The following SPIRE1 variants were observed in gnomAD, a reference collection of about 807,000 sequenced individuals.
SPIRE1 encodes the protein protein spire homolog 1.
Under a neutral mutation model 94.1 loss-of-function variants are expected in SPIRE1, and 40 were observed. The ratio of observed to expected loss-of-function variants is 0.43; its 90% CI spans 0.33 to 0.55. The LOEUF (loss-of-function observed/expected upper bound fraction) is 0.55, where lower values mean the gene tolerates loss of function less well. Among genes scored for constraint, SPIRE1 ranks in the 20% least tolerant of loss-of-function variants. The pLI, the probability that SPIRE1 is intolerant of heterozygous loss-of-function variation, is 0.06. For missense variants in SPIRE1, 838 were observed against 975.2 expected, an observed-to-expected ratio of 0.86 and a Z score of 1.87; for synonymous variants, 376 against 371.7, an observed-to-expected ratio of 1.01 and a Z score of -0.13.
chr18:12,547,937 AAC>A (rs1491036244), intron 2 of SPIRE1, among the ~76,000 whole-genome samples: 1 of 106,146 alleles, frequency 9.4e-6, no homozygotes, highest in African/African-American at 3.3e-5. Context: ...ACAAACAAAC[AAC>A]AACAACAACA....
Position 12,468,181 on chromosome 18 carries a change from T to A in SPIRE1, c.1405-3223A>T, listed in dbSNP as rs527442329. On this transcript the variant is annotated intron_variant, in intron 10 of 16. Coordinates refer to ENST00000409402, the MANE Select transcript of SPIRE1 (RefSeq NM_001128626.2). ...AGAATGAAGTCTTTTATAAGCAAAT[T>A]AAAAAGATCAATGATTTTATGACCA... is the stretch of plus-strand genomic sequence containing the variant. 5.3e-5 allele frequency among the ~76,000 whole-genome samples: 8 copies of A among 152,156 alleles called. No individual in the cohort carries two copies. The East Asian group carries it at 1.5e-3, about 29-fold the overall frequency.
At chr18:12,658,715 C>G (rs1374546705), upstream of SPIRE1, 3 of 422,244 alleles carry the variant, frequency 7.1e-6, no homozygotes, top group Non-Finnish European at 1.5e-5. Flanking sequence ...CGCGGCCGCT[C>G]TGCGCGTTTT....
chr18:12,547,497 A>G (rs1260511188), intron 2 of SPIRE1, among the ~76,000 whole-genome samples: 1 of 152,216 alleles, frequency 6.6e-6, no homozygotes, highest in Non-Finnish European at 1.5e-5. Flanking sequence ...ACTGTTGCAT[A>G]CCACCTCGAC....
Position 12,535,523 on chromosome 18 carries a change from T to C in SPIRE1, c.682A>G (p.Thr228Ala). 2 of 1,613,728 alleles carry C rather than the reference T, an allele frequency of 1.2e-6. No individual in the cohort carries two copies. Among genetic ancestry groups the C allele is most frequent in the Non-Finnish European group, 1.7e-6 (2 of 1,179,684 alleles). ...QAVCRALFAE[T>A]MELHTFLTKI... ...GTCAGAAATGTATGGAGCTCCATTGTTTCTGCAAACAGTGCACGACATACT... is the reference window on the plus strand; with the variant it reads ...GTCAGAAATGTATGGAGCTCCATTGCTTCTGCAAACAGTGCACGACATACT... The change falls in exon 4 of 17, where the codon ACA becomes GCA. Residue 228 changes from threonine to alanine, a missense_variant. By Grantham distance (58) the Thr-to-Ala change is moderately conservative (BLOSUM62 0). Around this residue, in one of 2 missense-constraint regions of SPIRE1, gnomAD observed 645 missense variants for 804.7 expected, o/e 0.80. Coordinates refer to ENST00000409402, the MANE Select transcript of SPIRE1 (RefSeq NM_001128626.2).
chr18:12,615,668 G>C (rs1199942992), intron 2 of SPIRE1, among the ~76,000 whole-genome samples: 1 of 150,952 alleles, frequency 6.6e-6, no homozygotes, highest in Non-Finnish European at 1.5e-5. Flanking sequence ...ATAACTTAAT[G>C]ATCTGTATAC....
At chr18:12,571,478 G>T (rs1015334657) in intron 2 of SPIRE1, among the ~76,000 whole-genome samples, 7 of 152,116 alleles carry the variant, frequency 4.6e-5, no homozygotes, top group Admixed American at 4.6e-4. Flanking sequence ...GCCAATCTGG[G>T]TATGCATTCT....
At chr18:12,495,695 C>T (rs1035903076) in intron 7 of SPIRE1, among the ~76,000 whole-genome samples, 1 of 152,130 alleles carries the variant, frequency 6.6e-6, no homozygotes. Context: ...TTGAGACCAG[C>T]GTGGGCAACA....
At chr18:12,656,698 T>A (rs1288042942) in intron 1 of SPIRE1, 1 of 982,838 alleles carries the variant, frequency 1.0e-6, no homozygotes, top group African/African-American at 1.7e-5. Flanking sequence ...AAACCTTTTC[T>A]CAACCTCCTC....
intron 6 of SPIRE1, among the ~76,000 whole-genome samples, chr18:12,496,992 T>C (rs1405693102): frequency 6.6e-6 from 1 of 152,012 alleles, no homozygotes; most frequent in African/African-American, 2.4e-5. Context: ...CGCTTGAACC[T>C]AGGAGGAGGA....
chr18:12,527,482 T>C (rs1022679527), intron 4 of SPIRE1, among the ~76,000 whole-genome samples: 1 of 152,166 alleles, frequency 6.6e-6, no homozygotes, highest in African/African-American at 2.4e-5. Context: ...ATGATGTAGG[T>C]TGTCTGGGCT....
intron 11 of SPIRE1, 80 bp downstream of exon 11, chr18:12,464,788 G>T: frequency 8.8e-7 from 1 of 1,138,576 alleles, no homozygotes; most frequent in Non-Finnish European, 1.3e-6. Flanking sequence ...ATCACAGGGC[G>T]CTCTGGGATC....
At chr18:12,466,425 T>A (rs556661) in intron 10 of SPIRE1, among the ~76,000 whole-genome samples, 3,058 of 151,984 alleles carry the variant, frequency 0.02, 87 homozygotes, top group African/African-American at 0.07. Context: ...TACAGGTGAG[T>A]GCCACCACGC....
chr18:12,636,807 A>G (rs2144828436), intron 1 of SPIRE1, among the ~76,000 whole-genome samples: 1 of 152,374 alleles, frequency 6.6e-6, no homozygotes. Context: ...GTGATTTATA[A>G]CATACATTTT....
chr18:12,519,154 A>C (rs1245918964), intron 4 of SPIRE1, among the ~76,000 whole-genome samples: 1 of 152,242 alleles, frequency 6.6e-6, no homozygotes, highest in Non-Finnish European at 1.5e-5. Flanking sequence ...ATTGAATAAA[A>C]AATGTAAAAT....
chr18:12,478,393 T>C (rs1317830983), intron 10 of SPIRE1, among the ~76,000 whole-genome samples: 1 of 145,354 alleles, frequency 6.9e-6, no homozygotes, highest in East Asian at 2.2e-4. Flanking sequence ...TGTGTGCGCA[T>C]GTGCGCGTGT....
At chr18:12,615,345 A>AAAAAAAATATATATATAT in intron 2 of SPIRE1, among the ~76,000 whole-genome samples, 1 of 17,236 alleles carries the variant, frequency 5.8e-5, no homozygotes. Context: ...AAAAAAAAAA[A>AAAAAAAATATATATATAT]ATATATATAT....
chr18:12,476,560 AAAAAATATAT>A (rs1287485873), intron 10 of SPIRE1, among the ~76,000 whole-genome samples: 4 of 76,384 alleles, frequency 5.2e-5, no homozygotes, highest in East Asian at 4.7e-4. Context: ...AAAAAAAAAA[AAAAAATATAT>A]ATATATATAT....
intron 2 of SPIRE1, among the ~76,000 whole-genome samples, chr18:12,551,587 C>T (rs950876262): frequency 1.3e-5 from 2 of 151,932 alleles, no homozygotes; most frequent in Admixed American, 1.3e-4. Context: ...TGCCTGTAGT[C>T]CCAGCTACTC....
chr18:12,502,822 T>G (rs918851257), intron 6 of SPIRE1, among the ~76,000 whole-genome samples: 8 of 152,004 alleles, frequency 5.3e-5, no homozygotes, highest in African/African-American at 1.9e-4. Flanking sequence ...AAATACCCCA[T>G]GTGGGTGGGG....
Sources: gnomAD v4.1 joint callset for allele counts (sites outside exome capture counted in the v4.1 genomes callset) on GRCh38, gnomAD v4.1.1 for gene constraint, gnomAD v4.1.1 regional missense constraint, MANE v1.5 for transcripts, NCBI Gene and HGNC (gene_info 2026-07-23, HGNC 2026-07-21) for gene names.